Variants in CLIP1 observed in about 807,000 individuals in gnomAD.
The protein encoded by CLIP1 is CAP-Gly domain-containing linker protein 1.
CLIP1 carries 66 observed loss-of-function variants against 161.6 expected under a neutral mutation model. The observed-to-expected ratio is 0.41, with a 90% confidence interval of 0.33 to 0.50. CLIP1 has a LOEUF of 0.50. Ranked by LOEUF, CLIP1 falls within the 20% of genes least tolerant of loss-of-function variation. The probability of loss-of-function intolerance (pLI) is 0.27; values close to 1 mark genes in which losing one functional copy is unlikely to be tolerated. For missense variants in CLIP1, 1,376 were observed against 1,702.0 expected, an observed-to-expected ratio of 0.81 and a Z score of 3.37; for synonymous variants, 598 against 626.2, an observed-to-expected ratio of 0.96 and a Z score of 0.67.
rs530538279 is a variant in CLIP1, at chr12:122,313,453, G to A, written c.3473+3296C>T. On this transcript the variant is annotated intron_variant, in intron 19 of 25. Coordinates refer to ENST00000620786, the MANE Select transcript of CLIP1 (RefSeq NM_001247997.2). Reference sequence around the variant, plus strand: ...AACAATTTATGTCACCTGGCCGGGCGTGGTGGCTCATGCCTATAATCCCAG... The same window carrying A: ...AACAATTTATGTCACCTGGCCGGGCATGGTGGCTCATGCCTATAATCCCAG... Among the ~76,000 whole-genome samples, 6 of 152,312 alleles carry A rather than the reference G, an allele frequency of 3.9e-5. 1 individual carries two copies. The highest frequency in any genetic ancestry group is 9.6e-5 in the African/African-American group (4 of 41,570).
At chr12:122,399,396 A>T (rs1199928230) in intron 1 of CLIP1, 1 of 152,086 alleles carries the variant, frequency 6.6e-6, no homozygotes, top group Non-Finnish European at 1.5e-5. Context: ...GCCAAAGTGA[A>T]AAGTACAGAC....
chr12:122,299,612 C>CAAAAAAA lies in CLIP1; in HGVS notation c.3594+10143_3594+10149dup, dbSNP rs71082962. Reference sequence around the variant, plus strand: ...TTTTGTTTTTAAAGAATAAATTCAGCAAAAAAAAAAAAAAAAAAAAGATGC... The same window carrying CAAAAAAA: ...TTTTGTTTTTAAAGAATAAATTCAGCAAAAAAAAAAAAAAAAAAAAAAAAAAAGATGC... On this transcript the variant is annotated intron_variant, in intron 20 of 25. Coordinates refer to ENST00000620786, the MANE Select transcript of CLIP1 (RefSeq NM_001247997.2). Among the ~76,000 whole-genome samples, 19 of 62,518 alleles carry CAAAAAAA rather than the reference C, an allele frequency of 3.0e-4. 2 individuals carry two copies. The East Asian group carries it at 3.5e-3, about 11-fold the overall frequency. The allele number at this position is 62,518 out of a possible 152,430, so 41.0% of individuals were successfully genotyped here. A position where few individuals can be genotyped will look rare whatever the true frequency, so the allele number is the denominator to read the frequency against.
At position 122,278,729 on chromosome 12, in the gene CLIP1, CT is replaced by C. The variant is rs373161876; in HGVS notation, c.3916+62del. The C allele has an allele frequency of 9.7e-5, 145 of 1,494,334 alleles. No homozygotes were observed. In the South Asian group the frequency reaches 1.8e-3, roughly 18 times the overall value. The allele number at this position is 1,494,334 out of a possible 1,614,324, so 92.6% of individuals were successfully genotyped here. On this transcript the variant is annotated intron_variant, in intron 23 of 25. Transcript: ENST00000620786. Reference sequence around the variant, plus strand: ...GAGCTGTCTTCGAAGAGCATCTCTACTAGAAAGGGCTCCTCGGGAGGACGCG... The same window carrying C: ...GAGCTGTCTTCGAAGAGCATCTCTACAGAAAGGGCTCCTCGGGAGGACGCG...
Position 122,316,832 on chromosome 12 carries a change from G to A in CLIP1, c.3390C>T (p.Asn1130=). The part of the protein sequence containing the change: ...QNELDTLKEN[N]LKNVEELNKS... ...TGTTCAGCTCTTCCACATTTTTCAA[G>A]TTGTTTTCTTTAAGTGTGTCCAACT... is the stretch of plus-strand genomic sequence containing the variant. The change falls in exon 19 of 26, where the codon AAC becomes AAT. Residue 1130 remains asparagine, a synonymous_variant. Coordinates refer to ENST00000620786, the MANE Select transcript of CLIP1 (RefSeq NM_001247997.2). 6.3e-7 allele frequency: 1 copy of A among 1,584,674 alleles called. No homozygotes were observed. The highest frequency in any genetic ancestry group is 8.6e-7 in the Non-Finnish European group (1 of 1,168,240).
At position 122,279,176 on chromosome 12, in the gene CLIP1, A is replaced by T; in HGVS notation, c.3648-31T>A. The T allele has an allele frequency of 6.8e-7, 1 of 1,461,800 alleles. No individual in the cohort carries two copies. The highest frequency in any genetic ancestry group is 9.5e-7 in the Non-Finnish European group (1 of 1,053,592). 90.6% of individuals were successfully genotyped at this position (1,461,800 alleles called of 1,614,324 possible). On this transcript the variant is annotated intron_variant, in intron 21 of 25. Transcript: ENST00000620786. The surrounding 1 kb of genome is among the most constrained non-coding windows in gnomAD (Gnocchi z 4.5). ...AGACCAAAGAGTTAAAAGTTCCACA[A>T]ATCAACCGAAAGACTGGTCAGTGTA...
chr12:122,350,764 C>A (rs1432355796), intron 9 of CLIP1, among the ~76,000 whole-genome samples: 3 of 150,922 alleles, frequency 2.0e-5, no homozygotes, highest in African/African-American at 7.3e-5. Context: ...AGCCAGATAT[C>A]ATCTCTTTTG....
At chr12:122,307,005 T>A (rs1263252980) in intron 20 of CLIP1, among the ~76,000 whole-genome samples, 1 of 76,092 alleles carries the variant, frequency 1.3e-5, no homozygotes, top group African/African-American at 3.8e-5. Context: ...TCACTTTTTT[T>A]TTTTTTTTTT....
intron 3 of CLIP1, among the ~76,000 whole-genome samples, chr12:122,371,660 T>TCAGGGCA (rs1397831983): frequency 1.3e-5 from 2 of 152,050 alleles, no homozygotes; most frequent in African/African-American, 2.4e-5. Flanking sequence ...CCCAAAGCAG[T>TCAGGGCA]CAGGGCACAG....
chr12:122,304,828 GC>G (rs1440676339), intron 20 of CLIP1, among the ~76,000 whole-genome samples: 10 of 152,160 alleles, frequency 6.6e-5, no homozygotes, highest in Non-Finnish European at 1.5e-4. Flanking sequence ...AGTCCCCTGA[GC>G]CCAGATTAAA....
chr12:122,417,777 G>A (rs997311525), intron 1 of CLIP1, among the ~76,000 whole-genome samples: 3 of 152,126 alleles, frequency 2.0e-5, no homozygotes, highest in African/African-American at 7.2e-5. Context: ...CTCCCAAGGT[G>A]CTGGGATTAC....
chr12:122,293,165 C>G (rs532839993), intron 20 of CLIP1, among the ~76,000 whole-genome samples: 1 of 151,728 alleles, frequency 6.6e-6, no homozygotes, highest in Admixed American at 6.6e-5. Context: ...GAAAAATGAC[C>G]GAAAGATGTG....
intron 24 of CLIP1, chr12:122,275,202 A>G (rs986150230): frequency 7.2e-5 from 11 of 152,174 alleles, no homozygotes; most frequent in African/African-American, 2.4e-4. Flanking sequence ...CTATTGATTC[A>G]TGAAAAAATA....
intron 15 of CLIP1, among the ~76,000 whole-genome samples, chr12:122,329,995 T>C (rs1267377846): frequency 6.6e-6 from 1 of 151,976 alleles, no homozygotes; most frequent in Non-Finnish European, 1.5e-5. Flanking sequence ...CGCATGCCTG[T>C]AATCCCAGCT....
intron 1 of CLIP1, among the ~76,000 whole-genome samples, chr12:122,382,332 G>A (rs1311711588): frequency 6.6e-6 from 1 of 150,740 alleles, no homozygotes; most frequent in East Asian, 2.0e-4. Flanking sequence ...TTGCACTCCC[G>A]CCTGGGCAAC....
In CLIP1 at chr12:122,387,590, A is replaced by ATTTTTTTTTT. The variant is rs139790813; in HGVS notation, c.-106-7042_-106-7033dup. 1.6e-3 allele frequency among the ~76,000 whole-genome samples: 10 copies of ATTTTTTTTTT among 6,258 alleles called. No homozygotes were observed. In the East Asian group the frequency reaches 0.017, roughly 11 times the overall value. 4.1% of individuals were successfully genotyped at this position (6,258 alleles called of 152,430 possible). A position where few individuals can be genotyped will look rare whatever the true frequency, so the allele number is the denominator to read the frequency against. ...TATATATATATATATATATATATAT[A>ATTTTTTTTTT]TTTTTTTTTTTTTTTTTTTTTTTTT... On this transcript the variant is annotated intron_variant, in intron 1 of 25. Coordinates refer to ENST00000620786, the MANE Select transcript of CLIP1 (RefSeq NM_001247997.2).
At chr12:122,307,902 T>C (rs952608512) in intron 20 of CLIP1, among the ~76,000 whole-genome samples, 1 of 152,248 alleles carries the variant, frequency 6.6e-6, no homozygotes. Flanking sequence ...TTTCTCCTTC[T>C]GAGTTACATA....
intron 5 of CLIP1, chr12:122,360,670 C>T: frequency 3.8e-6 from 1 of 265,502 alleles, no homozygotes; most frequent in African/African-American, 2.2e-5. Context: ...ATAATTTGAC[C>T]CCTGTGTTAG....
At chr12:122,285,618 C>T (rs1239047799) in intron 21 of CLIP1, among the ~76,000 whole-genome samples, 2 of 149,300 alleles carry the variant, frequency 1.3e-5, no homozygotes, top group African/African-American at 2.5e-5. Context: ...GGATTACAGG[C>T]GTGAGCCACC....
intron 20 of CLIP1, among the ~76,000 whole-genome samples, chr12:122,306,301 G>A (rs930901251): frequency 8.6e-5 from 13 of 151,986 alleles, no homozygotes; most frequent in African/African-American, 1.5e-4. Flanking sequence ...TACTAGTTCT[G>A]TCCCTCTAGA....
Sources: gnomAD v4.1 joint callset for allele counts (sites outside exome capture counted in the v4.1 genomes callset) on GRCh38, gnomAD v4.1.1 for gene constraint, Gnocchi (gnomAD v3.1) non-coding constraint, MANE v1.5 for transcripts, NCBI Gene and HGNC (gene_info 2026-07-23, HGNC 2026-07-21) for gene names.